ZNF33A: variants seen among roughly 807,000 people sequenced by gnomAD.
The protein encoded by ZNF33A is zinc finger protein 33A.
In ZNF33A, 9 loss-of-function variants were observed where a neutral mutation model predicts 15.9. The observed-to-expected ratio is 0.57, with a 90% CI of 0.34 to 0.99. The LOEUF is 0.99. Ranked by LOEUF, ZNF33A falls within the 50% of genes least tolerant of loss-of-function variation. The pLI, the probability that ZNF33A is intolerant of heterozygous loss-of-function variation, is 0.02. For synonymous variants in ZNF33A, 294 were observed against 324.2 expected, an observed-to-expected ratio of 0.91 and a Z score of 1.00; for missense variants, 843 against 941.6, an observed-to-expected ratio of 0.90 and a Z score of 1.37.
At chr10:38,048,219 G>C (rs2066043624) in intron 4 of ZNF33A, among the ~76,000 whole-genome samples, 1 of 152,114 alleles carries the variant, frequency 6.6e-6, no homozygotes, top group South Asian at 2.1e-4. Flanking sequence ...AGGAAATATT[G>C]ACTACTTGGA....
intron 4 of ZNF33A, among the ~76,000 whole-genome samples, chr10:38,047,032 T>C (rs945144738): frequency 2.0e-5 from 3 of 151,230 alleles, no homozygotes; most frequent in African/African-American, 7.3e-5. Flanking sequence ...GCAAAAAAAT[T>C]AGCTGGGTGT....
At chr10:38,045,417 T>G (rs1283335284) in intron 4 of ZNF33A, among the ~76,000 whole-genome samples, 2 of 152,222 alleles carry the variant, frequency 1.3e-5, no homozygotes, top group Non-Finnish European at 2.9e-5. Flanking sequence ...TGCTGACGTA[T>G]TGCTCTATTG....
intron 4 of ZNF33A, among the ~76,000 whole-genome samples, chr10:38,037,269 TTGTTTTGCATACAAA>T (rs2065493433): frequency 6.6e-6 from 1 of 152,154 alleles, no homozygotes; most frequent in Admixed American, 6.6e-5. Context: ...ATAATTTTGA[TTGTTTTGCATACAAA>T]TATTCAGTTG....
chr10:38,022,056 A>G (rs767245914), intron 4 of ZNF33A, among the ~76,000 whole-genome samples: 10 of 152,220 alleles, frequency 6.6e-5, no homozygotes, highest in Non-Finnish European at 1.0e-4. Flanking sequence ...TTGCAAACCC[A>G]TAATTGACTT....
At position 38,056,191 on chromosome 10, in the gene ZNF33A, G is replaced by C. The variant is rs756454166; in HGVS notation, c.2067G>C (p.Gly689=). 46 of 1,613,978 alleles carry C rather than the reference G, an allele frequency of 2.9e-5. No individual in the cohort carries two copies. Among genetic ancestry groups the C allele is most frequent in the Non-Finnish European group, 3.8e-5 (45 of 1,179,994 alleles). The stretch of plus-strand genomic sequence containing the variant: ...TTTTCCATGAGAGAAAGCACACGGG[G>C]GAGAAACCCTATGAATGCAATGAAT... The part of the protein sequence containing the change: ...GLIFHERKHT[G]EKPYECNECG... The change falls in exon 5 of 5, where the codon GGG becomes GGC. Residue 689 remains glycine, a synonymous_variant. Transcript: ENST00000432900.
At chr10:38,025,656 A>G (rs201648738) in intron 4 of ZNF33A, among the ~76,000 whole-genome samples, 1 of 152,380 alleles carries the variant, frequency 6.6e-6, no homozygotes, top group African/African-American at 2.4e-5. Flanking sequence ...TAAGCCACAC[A>G]GTCTGTGGTA....
At chr10:38,065,509 T>C (rs1238870866), downstream of ZNF33A, among the ~76,000 whole-genome samples, 1 of 152,204 alleles carries the variant, frequency 6.6e-6, no homozygotes, top group Non-Finnish European at 1.5e-5. Flanking sequence ...TTACATCTGT[T>C]CTCTCAATAT....
chr10:38,051,146 C>T (rs1258846510), intron 4 of ZNF33A, among the ~76,000 whole-genome samples: 1 of 152,030 alleles, frequency 6.6e-6, no homozygotes, highest in African/African-American at 2.4e-5. Flanking sequence ...ATCATGAAGC[C>T]ATTTTTGGTT....
intron 4 of ZNF33A, among the ~76,000 whole-genome samples, chr10:38,049,564 A>G (rs559207408): frequency 9.0e-4 from 137 of 152,264 alleles, no homozygotes; most frequent in African/African-American, 3.2e-3. Flanking sequence ...TAAATTTCAC[A>G]TATAGGGAAT....
chr10:38,031,464 G>C (rs539789283), intron 4 of ZNF33A, among the ~76,000 whole-genome samples: 9 of 151,684 alleles, frequency 5.9e-5, no homozygotes, highest in Non-Finnish European at 8.8e-5. Context: ...CAGCTACTTG[G>C]GAGGCTGAGG....
chr10:38,063,011 AAAAAAAAAAAAAAAAAAAAAAG>A (rs1260744178), downstream of ZNF33A, among the ~76,000 whole-genome samples: 1 of 125,236 alleles, frequency 8.0e-6, no homozygotes, highest in Non-Finnish European at 1.9e-5. Flanking sequence ...TCAAAAAAAA[AAAAAAAAAAAAAAAAAAAAAAG>A]AGGAAAAGTA....
chr10:38,029,927 A>T (rs913471062), intron 4 of ZNF33A, among the ~76,000 whole-genome samples: 2 of 152,138 alleles, frequency 1.3e-5, no homozygotes, highest in African/African-American at 4.8e-5. Flanking sequence ...GGAAAGAAAA[A>T]TTTTTTGAAG....
intron 4 of ZNF33A, among the ~76,000 whole-genome samples, chr10:38,032,265 T>C (rs902536172): frequency 1.3e-5 from 2 of 152,162 alleles, no homozygotes; most frequent in African/African-American, 4.8e-5. Flanking sequence ...TGGTTGGCTG[T>C]AAGAACAATA....
Position 38,056,767 on chromosome 10 carries a change from TGAG to T in ZNF33A, c.*211_*213del. ...AATAAGGTTATGTTAGAATTTACAC[TGAG>T]GAGAAAATTGTCAATTTAAGAAATC... On this transcript the variant is annotated 3_prime_UTR_variant, in exon 5 of 5. Transcript: ENST00000432900. 1.6e-6 allele frequency: 2 copies of T among 1,225,622 alleles called. No individual in the cohort carries two copies. Among genetic ancestry groups the T allele is most frequent in the Non-Finnish European group, 2.0e-6 (2 of 983,412 alleles). The allele number at this position is 1,225,622 out of a possible 1,614,324, so 75.9% of individuals were successfully genotyped here. A position where few individuals can be genotyped will look rare whatever the true frequency, so the allele number is the denominator to read the frequency against.
At chr10:38,041,721 G>A (rs2065708633) in intron 4 of ZNF33A, among the ~76,000 whole-genome samples, 1 of 152,118 alleles carries the variant, frequency 6.6e-6, no homozygotes. Context: ...CAACCAGTAA[G>A]TATAATGTAA....
intron 4 of ZNF33A, among the ~76,000 whole-genome samples, chr10:38,051,195 A>G (rs1354361102): frequency 5.9e-5 from 9 of 152,214 alleles, no homozygotes; most frequent in Non-Finnish European, 8.8e-5. Context: ...GGAAACATTA[A>G]AATGCCATTG....
At chr10:38,018,490 A>G (rs1227103306) in intron 4 of ZNF33A, among the ~76,000 whole-genome samples, 1 of 152,246 alleles carries the variant, frequency 6.6e-6, no homozygotes, top group Admixed American at 6.5e-5. Context: ...TGAGCCCATC[A>G]TAAGCCTTAT....
At chr10:38,013,463 C>T (rs1416365177) in intron 2 of ZNF33A, among the ~76,000 whole-genome samples, 2 of 151,660 alleles carry the variant, frequency 1.3e-5, no homozygotes, top group Non-Finnish European at 2.9e-5. Context: ...GAGTCTTGCT[C>T]TGTCACCAGG....
Position 38,060,082 on chromosome 10 carries a change from T to C in ZNF33A, c.*3522T>C. 2 of 985,424 alleles carry C rather than the reference T, an allele frequency of 2.0e-6. No homozygotes were observed. The highest frequency in any genetic ancestry group is 4.7e-5 in the South Asian group (1 of 21,286). 61.0% of individuals were successfully genotyped at this position (985,424 alleles called of 1,614,324 possible). ...CCTGAGGAACATCTTGTTTCTGTAC[T>C]AAGGTGTTCTTTTGTTAGTTGTATG... On this transcript the variant is annotated 3_prime_UTR_variant, in exon 5 of 5. Coordinates refer to ENST00000432900, the MANE Select transcript of ZNF33A (RefSeq NM_006954.2).
Sources: allele counts gnomAD v4.1 joint callset (sites outside exome capture counted in the v4.1 genomes callset), GRCh38; gene constraint gnomAD v4.1.1; transcripts MANE v1.5; gene names NCBI Gene and HGNC (gene_info 2026-07-23, HGNC 2026-07-21).